FGF8: variants seen among roughly 807,000 people sequenced by gnomAD.
FGF8 encodes the protein fibroblast growth factor 8.
Under a neutral mutation model 29.7 loss-of-function variants are expected in FGF8, and 12 were observed. The observed-to-expected ratio is 0.40, with a 90% CI of 0.26 to 0.65. FGF8 has a LOEUF of 0.65. Among genes scored for constraint, FGF8 ranks in the 30% least tolerant of loss-of-function variants. The pLI is 0.37. For synonymous variants in FGF8, 157 were observed against 144.4 expected (o/e 1.09, Z -0.63); for missense variants, 271 against 345.1 (o/e 0.79, Z 1.70).
chr10:101,776,083 TG>T lies in FGF8; in HGVS notation c.-184del, dbSNP rs940142999. 3.3e-4 allele frequency: 71 copies of T among 213,428 alleles called. No homozygotes were observed. Among genetic ancestry groups the T allele is most frequent in the African/African-American group, 1.7e-3 (69 of 40,330 alleles). The allele number at this position is 213,428 out of a possible 1,614,324, so 13.2% of individuals were successfully genotyped here. A position where few individuals can be genotyped will look rare whatever the true frequency, so the allele number is the denominator to read the frequency against. On this transcript the variant is annotated 5_prime_UTR_variant, in exon 1 of 6. Coordinates refer to ENST00000320185, the MANE Select transcript of FGF8 (RefSeq NM_033163.5). Reference sequence around the variant, plus strand: ...CTCGCCGCGCCGCACCGAATCGCTGTGCGCCGCTGCCGGAGCCGGTGGCCGC... The same window carrying T: ...CTCGCCGCGCCGCACCGAATCGCTGTCGCCGCTGCCGGAGCCGGTGGCCGC...
rs180727871 is a variant in FGF8 at position 101,771,198 on chromosome 10, A to C, written c.444+265T>G. Among the ~76,000 whole-genome samples, 4 of 152,332 alleles carry C rather than the reference A, an allele frequency of 2.6e-5. No homozygotes were observed. The highest frequency in any genetic ancestry group is 2.6e-4 in the Admixed American group (4 of 15,306). ...AGCAAAGCAATTTGGCGATTTGTTA[A>C]AAAGATATATGGAATTTACCAACCA... On this transcript the variant is annotated intron_variant, in intron 5 of 5. Coordinates refer to ENST00000320185, the MANE Select transcript of FGF8 (RefSeq NM_033163.5). This position sits in a 1 kb window ranked among gnomAD's most constrained non-coding sequence, Gnocchi z 5.3.
At chr10:101,773,380 G>A (rs959559031) in intron 4 of FGF8, among the ~76,000 whole-genome samples, 2 of 152,168 alleles carry the variant, frequency 1.3e-5, no homozygotes, top group Non-Finnish European at 2.9e-5. Context: ...AGCTAATTTG[G>A]AGGGACAAAG....
chr10:101,770,125 A>C lies in FGF8; in HGVS notation c.*204T>G. The C allele has an allele frequency of 1.9e-6, 1 of 534,750 alleles. No homozygotes were observed. The highest frequency in any genetic ancestry group is 3.2e-6 in the Non-Finnish European group (1 of 309,668). The allele number at this position is 534,750 out of a possible 1,614,324, so 33.1% of individuals were successfully genotyped here. On this transcript the variant is annotated 3_prime_UTR_variant, in exon 6 of 6. Coordinates refer to ENST00000320185, the MANE Select transcript of FGF8 (RefSeq NM_033163.5). The stretch of plus-strand genomic sequence containing the variant: ...ACAGCCAAGTGGAATACAAAAATAG[A>C]GCCTCTCTTTTGTTTTAAAAAAAAA...
intron 5 of FGF8, among the ~76,000 whole-genome samples, 168 bp from the exon 6 acceptor site, chr10:101,770,787 C>A (rs1304168207): frequency 6.6e-6 from 1 of 152,230 alleles, no homozygotes; most frequent in Non-Finnish European, 1.5e-5. Context: ...CAACTCGCAG[C>A]CCACCCGGCA....
chr10:101,776,125 C>T (rs2065089397), upstream of FGF8: 2 of 134,082 alleles, frequency 1.5e-5, no homozygotes, highest in Admixed American at 1.6e-4. Flanking sequence ...GCTCGGGAGC[C>T]GGAGCGGGCG....
chr10:101,775,404 C>T lies in FGF8; in HGVS notation c.70-188G>A. ...CTCTGCTGCAGTCACCCGGCTTCCC[C>T]TGGCATCGAACATCCATCCCCTGGC... On this transcript the variant is annotated intron_variant, in intron 2 of 5. Transcript: ENST00000320185. The surrounding 1 kb of genome is among the most constrained non-coding windows in gnomAD (Gnocchi z 4.6). The T allele has an allele frequency of 1.6e-6, 1 of 609,286 alleles. No homozygotes were observed. The highest frequency in any genetic ancestry group is 2.9e-6 in the Non-Finnish European group (1 of 342,368). The allele number at this position is 609,286 out of a possible 1,614,324, so 37.7% of individuals were successfully genotyped here.
Position 101,775,164 on chromosome 10 carries a change from CG to C in FGF8, c.121del (p.Arg41GlyfsTer13), listed in dbSNP as rs2065072510. ...ALGRELASLF[R>X]AGREPQGVSQ... ...GACACCCTGGGGCTCCCGGCCAGCC[CG>C]GAACAGGGAAGCGAGCTCCCTGCCC... On this transcript the variant is annotated frameshift_variant, in exon 3 of 6. Coordinates refer to ENST00000320185, the MANE Select transcript of FGF8 (RefSeq NM_033163.5). LOFTEE classifies it high-confidence loss of function. The surrounding 1 kb of genome is among the most constrained non-coding windows in gnomAD (Gnocchi z 4.6). The C allele has an allele frequency of 6.5e-7, 1 of 1,547,682 alleles. No individual in the cohort carries two copies. The highest frequency in any genetic ancestry group is 1.4e-5 in the African/African-American group (1 of 73,122).
In FGF8 at chr10:101,771,448, C is replaced by T. The variant is rs1589810609; in HGVS notation, c.444+15G>A. 2 of 1,608,096 alleles carry T rather than the reference C, an allele frequency of 1.2e-6. No homozygotes were observed. Among genetic ancestry groups the T allele is most frequent in the Non-Finnish European group, 1.7e-6 (2 of 1,174,526 alleles). On this transcript the variant is annotated intron_variant, in intron 5 of 5. Transcript: ENST00000320185. This position sits in a 1 kb window ranked among gnomAD's most constrained non-coding sequence, Gnocchi z 5.3. ...CCTAGGTCCCGCGGACCCCACCTGC[C>T]TGCTGGGGCCTCACCTTGGCGATCA...
Position 101,770,638 on chromosome 10 carries a change from G to T in FGF8, c.445-19C>A. 1 of 1,605,072 alleles carries T rather than the reference G, an allele frequency of 6.2e-7. No homozygotes were observed. ...CGTTGCTCTGCAGGTAGGGGAGCCA[G>T]ACACCACGTTACAGAGCCCCCCCAG... On this transcript the variant is annotated intron_variant, in intron 5 of 5. Coordinates refer to ENST00000320185, the MANE Select transcript of FGF8 (RefSeq NM_033163.5).
chr10:101,770,301 T>G lies in FGF8; in HGVS notation c.*28A>C. ...CTACAGGATGAGCCTCTCTGCGGTC[T>G]GGCATTGTGGGGAGGGCCAGGCAGC... On this transcript the variant is annotated 3_prime_UTR_variant, in exon 6 of 6. Transcript: ENST00000320185. 6.4e-7 allele frequency: 1 copy of G among 1,566,828 alleles called. No individual in the cohort carries two copies. The highest frequency in any genetic ancestry group is 8.7e-7 in the Non-Finnish European group (1 of 1,155,702).
rs1362594157 is a variant in FGF8 at position 101,775,243 on chromosome 10, G to A, written c.70-27C>T. The A allele has an allele frequency of 6.8e-7, 1 of 1,480,384 alleles. No individual in the cohort carries two copies. Among genetic ancestry groups the A allele is most frequent in the Non-Finnish European group, 9.2e-7 (1 of 1,086,794 alleles). The allele number at this position is 1,480,384 out of a possible 1,614,324, so 91.7% of individuals were successfully genotyped here. ...TAGAGGAGCAGGGCGCTTTTAAGTA[G>A]GGAGGCAGCCCTCCCCGACCCCTGA... On this transcript the variant is annotated intron_variant, in intron 2 of 5. Coordinates refer to ENST00000320185, the MANE Select transcript of FGF8 (RefSeq NM_033163.5). This position sits in a 1 kb window ranked among gnomAD's most constrained non-coding sequence, Gnocchi z 4.6.
chr10:101,777,219 T>C (rs1170426902), upstream of FGF8, among the ~76,000 whole-genome samples: 2 of 152,182 alleles, frequency 1.3e-5, no homozygotes, highest in African/African-American at 2.4e-5. Context: ...CTGAGGTTTC[T>C]GGAAACCCTG....
At chr10:101,776,802 T>G (rs987400717), upstream of FGF8, among the ~76,000 whole-genome samples, 5 of 146,914 alleles carry the variant, frequency 3.4e-5, no homozygotes, top group Middle Eastern at 3.5e-3. Flanking sequence ...CAGAAATGCC[T>G]CCCCCTCCCC....
Position 101,775,262 on chromosome 10 carries a change from C to T in FGF8, c.70-46G>A, listed in dbSNP as rs1209559614. ...TAAGTAGGGAGGCAGCCCTCCCCGA[C>T]CCCTGACATTTATAAAGACAAATTT... is the stretch of plus-strand genomic sequence containing the variant. On this transcript the variant is annotated intron_variant, in intron 2 of 5. Coordinates refer to ENST00000320185, the MANE Select transcript of FGF8 (RefSeq NM_033163.5). This position sits in a 1 kb window ranked among gnomAD's most constrained non-coding sequence, Gnocchi z 4.6. 1 of 1,300,428 alleles carries T rather than the reference C, an allele frequency of 7.7e-7. No homozygotes were observed. Among genetic ancestry groups the T allele is most frequent in the South Asian group, 1.3e-5 (1 of 79,074 alleles). 80.6% of individuals were successfully genotyped at this position (1,300,428 alleles called of 1,614,324 possible). A position where few individuals can be genotyped will look rare whatever the true frequency, so the allele number is the denominator to read the frequency against.
chr10:101,776,958 C>T (rs927303545), upstream of FGF8, among the ~76,000 whole-genome samples: 1 of 152,072 alleles, frequency 6.6e-6, no homozygotes, highest in Non-Finnish European at 1.5e-5. Flanking sequence ...AGGTCCCTGG[C>T]AGGACCCACT....
chr10:101,775,632 GC>G lies in FGF8; in HGVS notation c.69+107del. 1 of 1,320,720 alleles carries G rather than the reference GC, an allele frequency of 7.6e-7. No homozygotes were observed. The highest frequency in any genetic ancestry group is 1.0e-6 in the Non-Finnish European group (1 of 965,704). The allele number at this position is 1,320,720 out of a possible 1,614,324, so 81.8% of individuals were successfully genotyped here. A position where few individuals can be genotyped will look rare whatever the true frequency, so the allele number is the denominator to read the frequency against. On this transcript the variant is annotated intron_variant, in intron 2 of 5. Coordinates refer to ENST00000320185, the MANE Select transcript of FGF8 (RefSeq NM_033163.5). The surrounding 1 kb of genome is among the most constrained non-coding windows in gnomAD (Gnocchi z 4.6). ...GGGCTGGGTTTCTAAGGTGCCCTCAGCCCTCCCGCGCCGGCCGCAGAGTCAG... is the reference window on the plus strand; with the variant it reads ...GGGCTGGGTTTCTAAGGTGCCCTCAGCCTCCCGCGCCGGCCGCAGAGTCAG...
At chr10:101,773,008 G>A (rs949466258) in intron 4 of FGF8, among the ~76,000 whole-genome samples, 1 of 152,190 alleles carries the variant, frequency 6.6e-6, no homozygotes, top group African/African-American at 2.4e-5. Flanking sequence ...GGCAGGCAGG[G>A]ATGAAGTAGG....
intron 4 of FGF8, among the ~76,000 whole-genome samples, chr10:101,773,763 G>T (rs989318841): frequency 6.6e-6 from 1 of 152,136 alleles, no homozygotes; most frequent in Non-Finnish European, 1.5e-5. Context: ...AGTTTTAATC[G>T]CTCTGCCAGA....
chr10:101,775,354 C>T lies in FGF8; in HGVS notation c.70-138G>A. The T allele has an allele frequency of 8.8e-6, 6 of 683,052 alleles. No individual in the cohort carries two copies. Among genetic ancestry groups the T allele is most frequent in the South Asian group, 6.6e-5 (4 of 60,240 alleles). The allele number at this position is 683,052 out of a possible 1,614,324, so 42.3% of individuals were successfully genotyped here. ...TCATTGGGCCAAATCGGCCACAAGCCTCCCCCGAGGGGCGCTGAGAGGGTC... is the reference window on the plus strand; with the variant it reads ...TCATTGGGCCAAATCGGCCACAAGCTTCCCCCGAGGGGCGCTGAGAGGGTC... On this transcript the variant is annotated intron_variant, in intron 2 of 5. Transcript: ENST00000320185. The surrounding 1 kb of genome is among the most constrained non-coding windows in gnomAD (Gnocchi z 4.6).
Sources: gnomAD v4.1 joint callset for allele counts (sites outside exome capture counted in the v4.1 genomes callset) on GRCh38, gnomAD v4.1.1 for gene constraint, Gnocchi (gnomAD v3.1) non-coding constraint, MANE v1.5 for transcripts, NCBI Gene and HGNC (gene_info 2026-07-23, HGNC 2026-07-21) for gene names.